The following ARHGAP31 variants were observed in gnomAD, a reference collection of about 807,000 sequenced individuals.
ARHGAP31 encodes Rho GTPase activating protein 31, also known as rho GTPase-activating protein 31.
In ARHGAP31, 34 loss-of-function variants were observed where a neutral mutation model predicts 113.9. The ratio of observed to expected loss-of-function variants is 0.30; its 90% CI spans 0.23 to 0.40. The LOEUF (loss-of-function observed/expected upper bound fraction) is 0.40. Among genes scored for constraint, ARHGAP31 ranks in the 10% least tolerant of loss-of-function variants. The pLI is 1.00. For synonymous variants in ARHGAP31, 650 were observed against 684.8 expected, an observed-to-expected ratio of 0.95 and a Z score of 0.79; for missense variants, 1,548 against 1,767.1, an observed-to-expected ratio of 0.88 and a Z score of 2.22.
intron 7 of ARHGAP31, among the ~76,000 whole-genome samples, chr3:119,391,590 C>T (rs2080503796): frequency 1.6e-5 from 1 of 62,094 alleles, no homozygotes; most frequent in African/African-American, 1.3e-4. Context: ...TGGGTCTCTA[C>T]CCCCCCCTCC....
intron 1 of ARHGAP31, among the ~76,000 whole-genome samples, chr3:119,309,964 T>A (rs2079664745): frequency 6.7e-6 from 1 of 150,094 alleles, no homozygotes; most frequent in Non-Finnish European, 1.5e-5. Context: ...TTTTTTTTTT[T>A]AATCTCAGGT....
chr3:119,388,465 G>A (rs1295635750), intron 6 of ARHGAP31, among the ~76,000 whole-genome samples: 2 of 152,080 alleles, frequency 1.3e-5, no homozygotes, highest in African/African-American at 4.8e-5. Flanking sequence ...AAGCATTGGA[G>A]GGTTTTGAGC....
At chr3:119,406,658 G>GGTTT (rs2080665372) in intron 10 of ARHGAP31, among the ~76,000 whole-genome samples, 1 of 152,224 alleles carries the variant, frequency 6.6e-6, no homozygotes, top group African/African-American at 2.4e-5. Flanking sequence ...TCAGATGTCT[G>GGTTT]CCTTGCGTTT....
intron 1 of ARHGAP31, among the ~76,000 whole-genome samples, chr3:119,308,745 C>T (rs143682105): frequency 2.0e-5 from 3 of 152,328 alleles, no homozygotes; most frequent in East Asian, 1.9e-4. Context: ...TACTGCTTAC[C>T]GCCCTCCAGA....
chr3:119,331,511 G>T (rs1173243146), intron 1 of ARHGAP31, among the ~76,000 whole-genome samples: 5 of 152,094 alleles, frequency 3.3e-5, no homozygotes, highest in Non-Finnish European at 7.4e-5. Context: ...TTTTGAAAAG[G>T]AGTGAGGGAA....
intron 1 of ARHGAP31, among the ~76,000 whole-genome samples, chr3:119,302,672 G>A (rs1371112492): frequency 2.0e-5 from 3 of 152,194 alleles, no homozygotes; most frequent in African/African-American, 7.2e-5. Flanking sequence ...ATTTAACCAA[G>A]TGATGCCAAG....
chr3:119,325,441 G>C (rs1236210673), intron 1 of ARHGAP31, among the ~76,000 whole-genome samples: 1 of 152,194 alleles, frequency 6.6e-6, no homozygotes, highest in East Asian at 1.9e-4. Context: ...ATATTTTAGT[G>C]GCTTGCCCAA....
intron 1 of ARHGAP31, chr3:119,330,040 AC>A (rs1160357439): frequency 1.0e-6 from 1 of 968,448 alleles, no homozygotes; most frequent in African/African-American, 1.8e-5. Flanking sequence ...CATAAAACCA[AC>A]TAGTGTGGTA....
At chr3:119,318,844 GA>G (rs982792625) in intron 1 of ARHGAP31, among the ~76,000 whole-genome samples, 1 of 151,736 alleles carries the variant, frequency 6.6e-6, no homozygotes, top group Non-Finnish European at 1.5e-5. Context: ...ATATTCCTGG[GA>G]AAAAATTGAG....
intron 1 of ARHGAP31, among the ~76,000 whole-genome samples, chr3:119,316,382 C>T (rs1341975471): frequency 6.6e-6 from 1 of 152,208 alleles, no homozygotes; most frequent in African/African-American, 2.4e-5. Context: ...TGTTTTAGGA[C>T]TGGATAAACT....
intron 1 of ARHGAP31, among the ~76,000 whole-genome samples, chr3:119,346,313 G>C (rs1244479081): frequency 6.6e-6 from 1 of 152,182 alleles, no homozygotes; most frequent in Non-Finnish European, 1.5e-5. Context: ...CCTCCTTCTT[G>C]CTGAGGATCA....
intron 9 of ARHGAP31, 56 bp downstream of exon 9, chr3:119,399,317 C>A: frequency 6.8e-7 from 1 of 1,461,572 alleles, no homozygotes; most frequent in South Asian, 1.1e-5. Context: ...GGCTGGAGCT[C>A]ACTTGCCTTT....
At chr3:119,300,741 C>T (rs953848711) in intron 1 of ARHGAP31, among the ~76,000 whole-genome samples, 1 of 150,982 alleles carries the variant, frequency 6.6e-6, no homozygotes, top group East Asian at 1.9e-4. Flanking sequence ...GCAGGAGAAT[C>T]GCTTGAACCT....
chr3:119,382,989 G>A (rs1354929801), intron 5 of ARHGAP31, 95 bp from the exon 6 acceptor site: 1 of 1,423,002 alleles, frequency 7.0e-7, no homozygotes, highest in African/African-American at 1.4e-5. Flanking sequence ...ATCAATTTAG[G>A]AGATGAGCCT....
At chr3:119,296,095 T>C (rs953282217) in intron 1 of ARHGAP31, among the ~76,000 whole-genome samples, 2 of 152,218 alleles carry the variant, frequency 1.3e-5, no homozygotes, top group African/African-American at 4.8e-5. Flanking sequence ...GAAAATAATC[T>C]CAAAACCTAT....
chr3:119,346,601 G>T (rs62265246), intron 1 of ARHGAP31, among the ~76,000 whole-genome samples: 64,468 of 152,120 alleles, frequency 0.42, 16,064 homozygotes, highest in African/African-American at 0.7. Context: ...CACAATGTTT[G>T]ACTTGTGGGA....
At chr3:119,332,451 C>T (rs769313721) in intron 1 of ARHGAP31, among the ~76,000 whole-genome samples, 1 of 151,996 alleles carries the variant, frequency 6.6e-6, no homozygotes, top group East Asian at 1.9e-4. Flanking sequence ...CCACCCACCT[C>T]GGCCTCCCAA....
rs1358387077 is a variant in ARHGAP31 at position 119,294,513 on chromosome 3, C to T, written c.-392C>T. ...CCTGGGCAGTCTCCTCGCCCCGCGT[C>T]CGCGTCGTCTCCGGGGCACTTAGTA... On this transcript the variant is annotated 5_prime_UTR_variant, in exon 1 of 12. Transcript: ENST00000264245. 6 of 453,458 alleles carry T rather than the reference C, an allele frequency of 1.3e-5. No homozygotes were observed. The highest frequency in any genetic ancestry group is 2.3e-5 in the Non-Finnish European group (6 of 263,486). 28.1% of individuals were successfully genotyped at this position (453,458 alleles called of 1,614,324 possible). A position where few individuals can be genotyped will look rare whatever the true frequency, so the allele number is the denominator to read the frequency against.
intron 1 of ARHGAP31, among the ~76,000 whole-genome samples, chr3:119,332,493 C>T (rs1040102145): frequency 7.2e-5 from 11 of 152,144 alleles, no homozygotes; most frequent in African/African-American, 2.7e-4. Context: ...AGAGCCACCG[C>T]ACCGGCCGGA....
Sources: gnomAD v4.1 joint callset for allele counts (sites outside exome capture counted in the v4.1 genomes callset) on GRCh38, gnomAD v4.1.1 for gene constraint, MANE v1.5 for transcripts, NCBI Gene and HGNC (gene_info 2026-07-23, HGNC 2026-07-21) for gene names.